The following GPC4 variants were observed in gnomAD, a reference collection of about 807,000 sequenced individuals.
The protein encoded by GPC4 is glypican 4.
A neutral mutation model predicts 35.0 loss-of-function variants in GPC4; 10 were observed. The observed-to-expected ratio is 0.29, with a 90% confidence interval of 0.18 to 0.48. The LOEUF (loss-of-function observed/expected upper bound fraction) is 0.48, where lower values mean the gene tolerates loss of function less well. Among genes scored for constraint, GPC4 ranks in the 20% least tolerant of loss-of-function variants. GPC4 has a pLI of 0.99. For synonymous variants in GPC4, 167 were observed against 170.2 expected (o/e 0.98, Z 0.15); for missense variants, 322 against 451.3 (o/e 0.71, Z 2.60).
At chrX:133,313,658 G>C (rs142524150) in intron 3 of GPC4, among the ~76,000 whole-genome samples, 8 of 111,940 alleles carry the variant, frequency 7.1e-5, no homozygotes, top group African/African-American at 2.6e-4. Flanking sequence ...AGGGACCAGA[G>C]AGATCACTGA....
intron 1 of GPC4, among the ~76,000 whole-genome samples, chrX:133,348,718 C>T (rs1256552557): frequency 8.9e-6 from 1 of 112,438 alleles, no homozygotes; most frequent in African/African-American, 3.2e-5. Context: ...GGATTTCATA[C>T]TCATTCAAGT....
chrX:133,407,477 TA>T (rs2068793991), intron 1 of GPC4, among the ~76,000 whole-genome samples: 1 of 111,965 alleles, frequency 8.9e-6, no homozygotes, highest in African/African-American at 3.2e-5. Flanking sequence ...GCATAATTTT[TA>T]AAAACCTAAA....
rs1385540120 is a variant in GPC4 at position 133,382,451 on chromosome X, G to A, written c.160+32355C>T. Among the ~76,000 whole-genome samples, 200 of 95,785 alleles carry A rather than the reference G, an allele frequency of 2.1e-3. 1 individual carries two copies. The highest frequency in any genetic ancestry group is 2.9e-3 in the Non-Finnish European group (141 of 49,149). The allele number at this position is 95,785 out of a possible 115,157, so 83.2% of individuals were successfully genotyped here. On this transcript the variant is annotated intron_variant, in intron 1 of 8. Coordinates refer to ENST00000370828, the MANE Select transcript of GPC4 (RefSeq NM_001448.3). ...AAAAAAAAAAAAAAAAAAAAAGGCC[G>A]GGCACAGTGGCTCACGCCTGTAATT...
intron 1 of GPC4, among the ~76,000 whole-genome samples, chrX:133,391,352 G>C (rs979854430): frequency 1.8e-5 from 2 of 111,802 alleles, no homozygotes; most frequent in Admixed American, 1.9e-4. Context: ...GCTGCTTTTT[G>C]CTCCTGGTTT....
intron 4 of GPC4, among the ~76,000 whole-genome samples, chrX:133,309,676 T>C (rs5975391): frequency 0.4 from 43,943 of 111,215 alleles, 7,364 homozygotes; most frequent in African/African-American, 0.66. Context: ...CAGTGAATTA[T>C]AGGGGCAATT....
At chrX:133,328,777 G>T (rs1467512049) in intron 2 of GPC4, among the ~76,000 whole-genome samples, 2 of 111,348 alleles carry the variant, frequency 1.8e-5, no homozygotes, top group Non-Finnish European at 3.8e-5. Flanking sequence ...CCAGCCAAGA[G>T]CAATGTAAAC....
intron 1 of GPC4, among the ~76,000 whole-genome samples, chrX:133,375,885 C>T (rs754183533): frequency 2.7e-5 from 3 of 111,783 alleles, no homozygotes; most frequent in Non-Finnish European, 5.6e-5. Flanking sequence ...TCCATAGCAG[C>T]AGAATCACAA....
intron 1 of GPC4, among the ~76,000 whole-genome samples, chrX:133,351,204 A>T (rs1284997788): frequency 9.0e-6 from 1 of 111,572 alleles, no homozygotes; most frequent in Non-Finnish European, 1.9e-5. Context: ...CTAATTTTGG[A>T]GTGAAAGCCA....
intron 3 of GPC4, among the ~76,000 whole-genome samples, chrX:133,318,259 C>A (rs1247974435): frequency 8.9e-6 from 1 of 111,949 alleles, no homozygotes; most frequent in Non-Finnish European, 1.9e-5. Context: ...TTCTTAAAAG[C>A]TTTTTGTATT....
intron 1 of GPC4, among the ~76,000 whole-genome samples, chrX:133,357,958 T>C (rs1403490859): frequency 8.9e-6 from 1 of 111,894 alleles, no homozygotes; most frequent in Non-Finnish European, 1.9e-5. Flanking sequence ...TTGTTGTTTC[T>C]ATTGTTATCA....
At chrX:133,318,274 AT>A (rs2068347908) in intron 3 of GPC4, among the ~76,000 whole-genome samples, 1 of 112,141 alleles carries the variant, frequency 8.9e-6, no homozygotes, top group African/African-American at 3.2e-5. Flanking sequence ...TGTATTGACT[AT>A]TTTTTAAATT....
intron 4 of GPC4, among the ~76,000 whole-genome samples, chrX:133,309,803 C>A (rs1166590569): frequency 3.6e-5 from 4 of 112,218 alleles, no homozygotes; most frequent in Admixed American, 1.9e-4. Flanking sequence ...ACAAAAACAG[C>A]GACTTTAGAT....
At chrX:133,394,605 A>G in intron 1 of GPC4, among the ~76,000 whole-genome samples, 1 of 111,408 alleles carries the variant, frequency 9.0e-6, no homozygotes. Context: ...CCAGTGTGCA[A>G]CTTTTTCCAG....
chrX:133,336,530 A>G (rs2068444773), intron 2 of GPC4, among the ~76,000 whole-genome samples: 1 of 110,909 alleles, frequency 9.0e-6, no homozygotes, highest in Non-Finnish European at 1.9e-5. Flanking sequence ...GCAAGGCTCC[A>G]TCTCAAAACA....
At chrX:133,354,574 T>C (rs1328556991) in intron 1 of GPC4, among the ~76,000 whole-genome samples, 1 of 106,239 alleles carries the variant, frequency 9.4e-6, no homozygotes, top group Non-Finnish European at 1.9e-5. Context: ...ATTTATTTTT[T>C]TTTTTGAGAC....
chrX:133,324,777 A>T lies in GPC4; in HGVS notation c.320-241T>A, dbSNP rs936600062. Among the ~76,000 whole-genome samples the T allele has an allele frequency of 5.4e-5, 6 of 111,378 alleles. No individual in the cohort carries two copies. In the East Asian group the frequency reaches 1.7e-3, roughly 32 times the overall value. The stretch of plus-strand genomic sequence containing the variant: ...TGTCTGAGAGAGGAAAAAAATGAAA[A>T]TTTAAACCAACAGCTTCTCAGGAGT... On this transcript the variant is annotated intron_variant, in intron 2 of 8. Transcript: ENST00000370828.
chrX:133,331,704 T>C (rs749310260), intron 2 of GPC4, among the ~76,000 whole-genome samples: 3 of 105,942 alleles, frequency 2.8e-5, no homozygotes, highest in Non-Finnish European at 5.8e-5. Flanking sequence ...GTGGTTGAAG[T>C]GAGCCAAGAT....
intron 4 of GPC4, among the ~76,000 whole-genome samples, chrX:133,306,499 T>C (rs1371913253): frequency 9.0e-6 from 1 of 111,723 alleles, no homozygotes; most frequent in Non-Finnish European, 1.9e-5. Context: ...AACCTAAGGC[T>C]GGAGACAAAA....
intron 1 of GPC4, among the ~76,000 whole-genome samples, chrX:133,400,867 G>C (rs1225853261): frequency 1.1e-5 from 1 of 95,054 alleles, no homozygotes; most frequent in Admixed American, 1.3e-4. Flanking sequence ...AGAAAGCAGA[G>C]AGGAAGAAGG....
Sources: allele counts gnomAD v4.1 joint callset (sites outside exome capture counted in the v4.1 genomes callset), GRCh38; gene constraint gnomAD v4.1.1; transcripts MANE v1.5; gene names NCBI Gene and HGNC (gene_info 2026-07-23, HGNC 2026-07-21).